RIMS1: variants seen among roughly 807,000 people sequenced by gnomAD.
RIMS1 encodes the protein regulating synaptic membrane exocytosis 1, also known as regulating synaptic membrane exocytosis protein 1.
In RIMS1, 83 loss-of-function variants were observed where a neutral mutation model predicts 214.1. That is an observed-to-expected ratio of 0.39 (90% CI 0.32 to 0.47). The LOEUF is 0.47. Ranked by LOEUF, RIMS1 falls within the 20% of genes least tolerant of loss-of-function variation. RIMS1 has a pLI of 0.99. For missense variants in RIMS1, 2,050 were observed against 2,161.8 expected (o/e 0.95, Z 1.03); for synonymous variants, 793 against 786.8 (o/e 1.01, Z -0.13).
At chr6:72,277,817 TACG>T (rs2087441706) in intron 23 of RIMS1, among the ~76,000 whole-genome samples, 1 of 152,126 alleles carries the variant, frequency 6.6e-6, no homozygotes, top group African/African-American at 2.4e-5. Flanking sequence ...AACCTATATA[TACG>T]TAATTATATG....
At chr6:72,038,037 T>C (rs1820161036) in intron 2 of RIMS1, among the ~76,000 whole-genome samples, 1 of 137,778 alleles carries the variant, frequency 7.3e-6, no homozygotes, top group African/African-American at 2.7e-5. Context: ...CCCAGCCTCT[T>C]TGGAGGTATG....
rs571410404 is a variant in RIMS1, at chr6:71,916,359, T to C, written c.164+29172T>C. 3.9e-5 allele frequency among the ~76,000 whole-genome samples: 6 copies of C among 152,258 alleles called. No homozygotes were observed. In the South Asian group the frequency reaches 1.2e-3, roughly 32 times the overall value. Reference sequence around the variant, plus strand: ...TTCATTGATGAGAGTGTTTGTAGGCTGTTTCCAATGTTACAGAGTATTTTC... The same window carrying C: ...TTCATTGATGAGAGTGTTTGTAGGCCGTTTCCAATGTTACAGAGTATTTTC... On this transcript the variant is annotated intron_variant, in intron 1 of 33. Transcript: ENST00000521978.
Position 71,886,875 on chromosome 6 carries a change from T to C in RIMS1, c.-149T>C, listed in dbSNP as rs1582802251. ...TTCTCGCTCTCCCCGGCTCTGCTGC[T>C]GCTGCTGCTGCCGCCGCCGCCGCTG... On this transcript the variant is annotated 5_prime_UTR_variant, in exon 1 of 34. Coordinates refer to ENST00000521978, the MANE Select transcript of RIMS1 (RefSeq NM_014989.7). 1.3e-6 allele frequency: 1 copy of C among 789,286 alleles called. No homozygotes were observed. Among genetic ancestry groups the C allele is most frequent in the East Asian group, 2.7e-5 (1 of 37,648 alleles). The allele number at this position is 789,286 out of a possible 1,614,324, so 48.9% of individuals were successfully genotyped here.
At chr6:72,289,775 G>C (rs1331379939) in intron 24 of RIMS1, among the ~76,000 whole-genome samples, 1 of 151,966 alleles carries the variant, frequency 6.6e-6, no homozygotes, top group Admixed American at 6.6e-5. Flanking sequence ...GAATTTTACA[G>C]TATTGCTTTA....
chr6:72,387,649 C>T lies in RIMS1; in HGVS notation c.4367-2949C>T, dbSNP rs531916476. 3.3e-5 allele frequency among the ~76,000 whole-genome samples: 5 copies of T among 152,300 alleles called. No individual in the cohort carries two copies. In the South Asian group the frequency reaches 1.0e-3, roughly 32 times the overall value. ...ACAATGACAAGTCAAGTGGACAAGA[C>T]AGAGTCCAAAAAGGGGATAGGAAGA... is the stretch of plus-strand genomic sequence containing the variant. On this transcript the variant is annotated intron_variant, in intron 29 of 33. Transcript: ENST00000521978.
At chr6:72,062,181 T>G (rs1828038582) in intron 2 of RIMS1, among the ~76,000 whole-genome samples, 1 of 152,210 alleles carries the variant, frequency 6.6e-6, no homozygotes, top group African/African-American at 2.4e-5. Context: ...TATTTTATAT[T>G]TTATTTAAAA....
At position 72,310,733 on chromosome 6, in the gene RIMS1, G is replaced by T. The variant is rs118093134; in HGVS notation, c.3964-2773G>T. 7.4e-3 allele frequency among the ~76,000 whole-genome samples: 1,119 copies of T among 151,954 alleles called. 4 individuals are homozygous for T. The highest frequency in any genetic ancestry group is 0.012 in the Non-Finnish European group (817 of 67,884). ...TGTATTTCCATTAAAATATTAAATT[G>T]TTACATTCAAAATTTAACAGATCAT... On this transcript the variant is annotated intron_variant, in intron 27 of 33. Coordinates refer to ENST00000521978, the MANE Select transcript of RIMS1 (RefSeq NM_014989.7).
intron 6 of RIMS1, chr6:72,216,845 T>G: frequency 9.9e-7 from 1 of 1,011,328 alleles, no homozygotes; most frequent in Non-Finnish European, 1.2e-6. Context: ...AAATGGTTAA[T>G]TGAGGAGCTA....
At chr6:72,132,059 A>T (rs1178537407) in intron 4 of RIMS1, among the ~76,000 whole-genome samples, 2 of 152,098 alleles carry the variant, frequency 1.3e-5, no homozygotes, top group Non-Finnish European at 2.9e-5. Flanking sequence ...AGGTGCCAAG[A>T]TTTCATATTG....
chr6:72,270,292 A>T (rs887669302), intron 22 of RIMS1, among the ~76,000 whole-genome samples: 4 of 152,232 alleles, frequency 2.6e-5, no homozygotes, highest in African/African-American at 9.6e-5. Flanking sequence ...AAAAATATTT[A>T]AGGACTAAAA....
At position 72,182,690 on chromosome 6, in the gene RIMS1, G is replaced by A. The variant is rs756705041; in HGVS notation, c.1219G>A (p.Gly407Ser). The change falls in exon 6 of 34, where the codon GGC (glycine) becomes AGC (serine). Residue 407 changes from glycine to serine, a missense_variant. Around this residue, in one of 6 missense-constraint regions of RIMS1, gnomAD observed 882 missense variants for 828.9 expected, o/e 1.06. Transcript: ENST00000521978. ...RTEAGAALPE[G>S]KAGKRAPAAA... ...CGAGGCGGGCGCGGCGCTGCCGGAGGGCAAGGCCGGCAAACGCGCGCCGGC... is the reference window on the plus strand; with the variant it reads ...CGAGGCGGGCGCGGCGCTGCCGGAGAGCAAGGCCGGCAAACGCGCGCCGGC... 4.0e-6 allele frequency: 6 copies of A among 1,500,712 alleles called. No individual in the cohort carries two copies. Among genetic ancestry groups the A allele is most frequent in the Non-Finnish European group, 5.3e-6 (6 of 1,130,260 alleles). The allele number at this position is 1,500,712 out of a possible 1,614,324, so 93.0% of individuals were successfully genotyped here.
intron 2 of RIMS1, among the ~76,000 whole-genome samples, chr6:72,063,851 T>G (rs769584068): frequency 6.6e-6 from 1 of 152,234 alleles, no homozygotes; most frequent in African/African-American, 2.4e-5. Flanking sequence ...GGATGGCTTC[T>G]GGAAGCAAGA....
intron 1 of RIMS1, among the ~76,000 whole-genome samples, chr6:71,930,081 A>G (rs1782606346): frequency 6.6e-6 from 1 of 152,082 alleles, no homozygotes; most frequent in Non-Finnish European, 1.5e-5. Context: ...GTGTGAATAC[A>G]TGAAAATATG....
chr6:71,946,957 C>A (rs1788009672), intron 1 of RIMS1, among the ~76,000 whole-genome samples: 2 of 151,912 alleles, frequency 1.3e-5, no homozygotes, highest in African/African-American at 2.4e-5. Flanking sequence ...AGATAAATAA[C>A]CTGATTAAAA....
chr6:72,255,953 T>G (rs1326952330), intron 16 of RIMS1, among the ~76,000 whole-genome samples: 2 of 147,992 alleles, frequency 1.4e-5, no homozygotes, highest in Non-Finnish European at 3.0e-5. Context: ...GGAGAATCAC[T>G]TCAACACGAG....
At chr6:72,008,230 A>C (rs996460072) in intron 2 of RIMS1, among the ~76,000 whole-genome samples, 1 of 152,004 alleles carries the variant, frequency 6.6e-6, no homozygotes, top group Non-Finnish European at 1.5e-5. Context: ...ACTAAGCTTC[A>C]TAAGTGAAGG....
chr6:72,307,591 T>TA (rs2095282708), intron 27 of RIMS1, among the ~76,000 whole-genome samples: 1 of 151,772 alleles, frequency 6.6e-6, no homozygotes. Flanking sequence ...CCATCTCTAC[T>TA]AAAAAATACA....
chr6:72,200,329 A>G (rs934792552), intron 6 of RIMS1, among the ~76,000 whole-genome samples: 2 of 152,108 alleles, frequency 1.3e-5, no homozygotes, highest in African/African-American at 4.8e-5. Context: ...CCCTGACCTC[A>G]GTGGCCCTCT....
At chr6:72,070,423 T>C (rs916242219) in intron 2 of RIMS1, among the ~76,000 whole-genome samples, 9 of 152,196 alleles carry the variant, frequency 5.9e-5, no homozygotes, top group African/African-American at 2.2e-4. Context: ...GGCATTATAA[T>C]AAATGATTTC....
Sources: gnomAD v4.1 joint callset for allele counts (sites outside exome capture counted in the v4.1 genomes callset) on GRCh38, gnomAD v4.1.1 for gene constraint, gnomAD v4.1.1 regional missense constraint, MANE v1.5 for transcripts, NCBI Gene and HGNC (gene_info 2026-07-23, HGNC 2026-07-21) for gene names.